FRMD3: variants seen among roughly 807,000 people sequenced by gnomAD.
FRMD3 encodes the protein FERM domain-containing protein 3.
FRMD3 carries 33 observed loss-of-function variants against 70.2 expected under a neutral mutation model. The observed-to-expected ratio is 0.47, with a 90% CI of 0.36 to 0.63. The LOEUF is 0.63. Among genes scored for constraint, FRMD3 ranks in the 20% least tolerant of loss-of-function variants. The pLI is 0.00. For synonymous variants in FRMD3, 279 were observed against 255.9 expected, an observed-to-expected ratio of 1.09 and a Z score of -0.86; for missense variants, 632 against 711.4, an observed-to-expected ratio of 0.89 and a Z score of 1.27.
chr9:83,493,071 C>T (rs1400602324), intron 1 of FRMD3, among the ~76,000 whole-genome samples: 1 of 152,148 alleles, frequency 6.6e-6, no homozygotes, highest in Non-Finnish European at 1.5e-5. Flanking sequence ...GCACCCACTG[C>T]CTCTCCCTGT....
At chr9:83,348,694 G>A (rs987307265) in intron 4 of FRMD3, among the ~76,000 whole-genome samples, 4 of 151,970 alleles carry the variant, frequency 2.6e-5, no homozygotes. Context: ...TGCTTATAAC[G>A]TCCATTATCT....
chr9:83,312,763 G>A (rs1200156698), intron 7 of FRMD3, among the ~76,000 whole-genome samples: 1 of 127,928 alleles, frequency 7.8e-6, no homozygotes, highest in Admixed American at 8.2e-5. Context: ...GCCGCCCTGC[G>A]CCCCGCCCCG....
At chr9:83,351,082 A>AC in intron 3 of FRMD3, 1 of 575,596 alleles carries the variant, frequency 1.7e-6, no homozygotes, top group Admixed American at 6.3e-5. Context: ...ATCCTATTTT[A>AC]CCCAAATTCA....
chr9:83,419,272 C>G (rs1162396023), intron 1 of FRMD3, among the ~76,000 whole-genome samples: 1 of 152,094 alleles, frequency 6.6e-6, no homozygotes, highest in Non-Finnish European at 1.5e-5. Flanking sequence ...ACTTGTACCC[C>G]AAAAACTATT....
chr9:83,529,253 G>T (rs1829745915), intron 1 of FRMD3, among the ~76,000 whole-genome samples: 1 of 152,168 alleles, frequency 6.6e-6, no homozygotes. Context: ...AACAAATGGT[G>T]CTGGGACAAC....
rs1304852282 is a variant in FRMD3 at position 83,357,116 on chromosome 9, A to AAT, written c.296-7361_296-7360dup. 1.2e-4 allele frequency among the ~76,000 whole-genome samples: 17 copies of AAT among 143,938 alleles called. No homozygotes were observed. The East Asian group carries it at 1.4e-3, about 12-fold the overall frequency. 94.4% of individuals were successfully genotyped at this position (143,938 alleles called of 152,430 possible). On this transcript the variant is annotated intron_variant, in intron 3 of 13. Coordinates refer to ENST00000304195, the MANE Select transcript of FRMD3 (RefSeq NM_174938.6). ...TATATATATATCTATCCATCATGGT[A>AAT]ATATATATATTACATTATATATATT...
At chr9:83,351,339 C>G (rs1165705223) in intron 3 of FRMD3, among the ~76,000 whole-genome samples, 3 of 151,828 alleles carry the variant, frequency 2.0e-5, no homozygotes, top group African/African-American at 7.3e-5. Context: ...CACACACACA[C>G]ACACACACAC....
intron 3 of FRMD3, among the ~76,000 whole-genome samples, chr9:83,351,288 T>A (rs888673619): frequency 6.7e-6 from 1 of 148,286 alleles, no homozygotes; most frequent in Non-Finnish European, 1.5e-5. Flanking sequence ...AAGAGCAGCA[T>A]CTTGCTGATG....
At chr9:83,572,179 G>A in the FRMD3 span, among the ~76,000 whole-genome samples, 18,909 of 151,738 alleles carry the variant, frequency 0.12, 1,248 homozygotes, top group Middle Eastern at 0.22. Flanking sequence ...GTGTGCATGC[G>A]CATGTGTGTG....
chr9:83,279,485 A>G (rs1438247536), intron 13 of FRMD3: 1 of 152,188 alleles, frequency 6.6e-6, no homozygotes, highest in Non-Finnish European at 1.5e-5. Context: ...AAATCATTCT[A>G]TTATAAAGAT....
intron 13 of FRMD3, among the ~76,000 whole-genome samples, chr9:83,283,543 AAAAAAT>A (rs1195769391): frequency 0.05 from 2,206 of 44,074 alleles, 24 homozygotes; most frequent in African/African-American, 0.081. Flanking sequence ...AAAAAAAAAA[AAAAAAT>A]AATAATAATA....
rs112517483 is a variant in FRMD3, at chr9:83,261,503, T to C, written c.1196-12987A>G. On this transcript the variant is annotated intron_variant, in intron 13 of 13. Coordinates refer to ENST00000304195, the MANE Select transcript of FRMD3 (RefSeq NM_174938.6). ...TCACTCAACCTCTGAGGTTCCATAC[T>C]CTCTTGGTTTCCATCCAATGATTCT... 4.2e-3 allele frequency among the ~76,000 whole-genome samples: 636 copies of C among 152,286 alleles called. 4 individuals carry two copies. Among genetic ancestry groups the C allele is most frequent in the Non-Finnish European group, 5.7e-3 (386 of 68,016 alleles).
At chr9:83,486,806 T>C (rs1828699621) in intron 1 of FRMD3, among the ~76,000 whole-genome samples, 1 of 152,152 alleles carries the variant, frequency 6.6e-6, no homozygotes, top group Admixed American at 6.5e-5. Context: ...AAGGGAACAT[T>C]AGTTAATGTT....
At chr9:83,572,342 C>T in the FRMD3 span, among the ~76,000 whole-genome samples, 15 of 151,954 alleles carry the variant, frequency 9.9e-5, no homozygotes, top group Admixed American at 7.9e-4. Context: ...GAATCAGTGC[C>T]GAGAAAGGAC....
intron 13 of FRMD3, among the ~76,000 whole-genome samples, chr9:83,266,347 A>T (rs1367918852): frequency 6.6e-6 from 1 of 152,202 alleles, no homozygotes; most frequent in Non-Finnish European, 1.5e-5. Context: ...CCAATTACAG[A>T]CATTTTCCAG....
intron 1 of FRMD3, among the ~76,000 whole-genome samples, chr9:83,412,699 C>CA (rs1337393712): frequency 6.6e-6 from 1 of 152,146 alleles, no homozygotes; most frequent in African/African-American, 2.4e-5. Context: ...AATTCTGCAT[C>CA]AAAATATGGT....
At chr9:83,429,620 A>C (rs1288215889) in intron 1 of FRMD3, among the ~76,000 whole-genome samples, 1 of 152,072 alleles carries the variant, frequency 6.6e-6, no homozygotes, top group African/African-American at 2.4e-5. Context: ...CTCATCTACA[A>C]AACTGAGATA....
chr9:83,374,164 G>C (rs1387451990), intron 2 of FRMD3, among the ~76,000 whole-genome samples: 3 of 151,352 alleles, frequency 2.0e-5, no homozygotes, highest in Non-Finnish European at 1.5e-5. Flanking sequence ...CTGGTGCATG[G>C]GCCCTTAACC....
chr9:83,476,529 A>G (rs1283820735), intron 1 of FRMD3, among the ~76,000 whole-genome samples: 1 of 152,226 alleles, frequency 6.6e-6, no homozygotes, highest in Admixed American at 6.5e-5. Flanking sequence ...AGATGCTAGC[A>G]TGTCCACTAG....
Sources: allele counts gnomAD v4.1 joint callset (sites outside exome capture counted in the v4.1 genomes callset), GRCh38; gene constraint gnomAD v4.1.1; transcripts MANE v1.5; gene names NCBI Gene and HGNC (gene_info 2026-07-23, HGNC 2026-07-21).